SHISAL2B: variants seen among roughly 807,000 people sequenced by gnomAD.
The protein encoded by SHISAL2B is protein shisa-like-2B.
A neutral mutation model predicts 16.5 loss-of-function variants in SHISAL2B; 12 were observed. The observed-to-expected ratio is 0.73, with a 90% CI of 0.47 to 1.18. The LOEUF is 1.18. Ranked by LOEUF, SHISAL2B falls within the 50% of genes most tolerant of loss-of-function variation. The pLI is 0.00. For missense variants in SHISAL2B, 183 were observed against 193.6 expected (o/e 0.95, Z 0.33); for synonymous variants, 72 against 75.0 (o/e 0.96, Z 0.21).
chr5:64,708,238 G>C (rs978268054), intron 2 of SHISAL2B, among the ~76,000 whole-genome samples: 5 of 152,112 alleles, frequency 3.3e-5, no homozygotes, highest in Admixed American at 1.3e-4. Flanking sequence ...CTTCCTGTAT[G>C]ATTTCTATAC....
intron 2 of SHISAL2B, among the ~76,000 whole-genome samples, chr5:64,705,432 G>A (rs185431901): frequency 6.6e-6 from 1 of 152,090 alleles, no homozygotes; most frequent in Non-Finnish European, 1.5e-5. Flanking sequence ...ATGAATTTAA[G>A]TATGTAAAAA....
chr5:64,696,481 C>G (rs1332834495), intron 2 of SHISAL2B, among the ~76,000 whole-genome samples: 1 of 152,132 alleles, frequency 6.6e-6, no homozygotes, highest in Admixed American at 6.5e-5. Flanking sequence ...TTTCTTCTTG[C>G]AGAGAGCCTA....
chr5:64,703,397 G>T (rs1296124336), intron 2 of SHISAL2B, among the ~76,000 whole-genome samples: 1 of 152,142 alleles, frequency 6.6e-6, no homozygotes, highest in Non-Finnish European at 1.5e-5. Context: ...AATGAGCCTA[G>T]AATTTTATAC....
intron 1 of SHISAL2B, among the ~76,000 whole-genome samples, chr5:64,693,150 GGC>G (rs1182631072): frequency 2.0e-5 from 3 of 152,056 alleles, no homozygotes; most frequent in Admixed American, 6.5e-5. Context: ...TGGGACTACA[GGC>G]GCCTGCCACC....
chr5:64,691,673 T>C (rs961467331), intron 1 of SHISAL2B: 1 of 152,222 alleles, frequency 6.6e-6, no homozygotes, highest in Non-Finnish European at 1.5e-5. Context: ...CAACTAGTAT[T>C]GATGTAGACA....
intron 1 of SHISAL2B, 102 bp from the exon 2 acceptor site, chr5:64,695,405 A>T (rs1741718674): frequency 1.3e-6 from 1 of 752,592 alleles, no homozygotes; most frequent in East Asian, 3.0e-5. Flanking sequence ...TTTGGTTATG[A>T]ATAACTGAAA....
At chr5:64,691,676 T>A (rs1453978110) in intron 1 of SHISAL2B, 1 of 152,194 alleles carries the variant, frequency 6.6e-6, no homozygotes, top group Non-Finnish European at 1.5e-5. Context: ...CTAGTATTGA[T>A]GTAGACATTT....
At chr5:64,712,881 C>A (rs1241633562) in intron 2 of SHISAL2B, among the ~76,000 whole-genome samples, 1 of 149,080 alleles carries the variant, frequency 6.7e-6, no homozygotes, top group East Asian at 2.0e-4. Context: ...TTTTTGTTTT[C>A]CATTTGCTTG....
At chr5:64,693,982 G>A in intron 1 of SHISAL2B, 1 of 414,266 alleles carries the variant, frequency 2.4e-6, no homozygotes, top group Admixed American at 2.8e-5. Context: ...AGGACAAGTG[G>A]AGTGAGCTTA....
intron 2 of SHISAL2B, among the ~76,000 whole-genome samples, chr5:64,703,105 A>G (rs1054379486): frequency 6.6e-6 from 1 of 152,230 alleles, no homozygotes; most frequent in African/African-American, 2.4e-5. Context: ...ACTCTGTCCA[A>G]TCTTAAAAAG....
In SHISAL2B at chr5:64,711,719, T is replaced by G. The variant is rs1245990832; in HGVS notation, c.350-6170T>G. On this transcript the variant is annotated intron_variant, in intron 2 of 2. Coordinates refer to ENST00000389074, the MANE Select transcript of SHISAL2B (RefSeq NM_001164442.2). ...TGATTATTGCCACAATTTCAGCTCC[T>G]GTTATTGGTCTATTCAGAGATTCAA... Among the ~76,000 whole-genome samples the G allele has an allele frequency of 3.4e-3, 67 of 19,502 alleles. 1 individual carries two copies. Among genetic ancestry groups the G allele is most frequent in the Middle Eastern group, 0.015 (2 of 134 alleles). 12.8% of individuals were successfully genotyped at this position (19,502 alleles called of 152,430 possible). A position where few individuals can be genotyped will look rare whatever the true frequency, so the allele number is the denominator to read the frequency against.
chr5:64,691,476 G>C (rs1235107476), intron 1 of SHISAL2B: 1 of 150,636 alleles, frequency 6.6e-6, no homozygotes, highest in Non-Finnish European at 1.5e-5. Flanking sequence ...ACCCTGGAGA[G>C]AATTGAAGCG....
At chr5:64,708,849 A>T (rs555808033) in intron 2 of SHISAL2B, among the ~76,000 whole-genome samples, 110 of 152,294 alleles carry the variant, frequency 7.2e-4, no homozygotes, top group African/African-American at 2.5e-3. Context: ...CAAGTAGAAT[A>T]TTAAGTAACT....
At position 64,703,446 on chromosome 5, in the gene SHISAL2B, T is replaced by C. The variant is rs184038418; in HGVS notation, c.349+7782T>C. Among the ~76,000 whole-genome samples the C allele has an allele frequency of 2.3e-3, 355 of 152,318 alleles. 1 individual carries two copies. The highest frequency in any genetic ancestry group is 7.5e-3 in the African/African-American group (310 of 41,568). ...CCTACAATGTAGAAAATCAAATTGC[T>C]CAATAGAGCTACTGCTACATTTATT... On this transcript the variant is annotated intron_variant, in intron 2 of 2. Transcript: ENST00000389074.
intron 1 of SHISAL2B, chr5:64,691,223 CCT>C (rs1447765635): frequency 5.5e-6 from 1 of 181,372 alleles, no homozygotes; most frequent in African/African-American, 2.3e-5. Context: ...GGTTTAAAAT[CCT>C]CTTTTTGGTT....
intron 1 of SHISAL2B, among the ~76,000 whole-genome samples, chr5:64,692,410 A>G (rs968026927): frequency 6.6e-6 from 1 of 152,248 alleles, no homozygotes; most frequent in African/African-American, 2.4e-5. Context: ...TGGACAGTGC[A>G]GCTCCATTCC....
Position 64,712,661 on chromosome 5 carries a change from T to C in SHISAL2B, c.350-5228T>C, listed in dbSNP as rs887441974. On this transcript the variant is annotated intron_variant, in intron 2 of 2. Transcript: ENST00000389074. ...GGGTGTTAAAGTCTCCCATTATTAATGTGTGGGAGTCTAAATCTCTTTGTA... is the reference window on the plus strand; with the variant it reads ...GGGTGTTAAAGTCTCCCATTATTAACGTGTGGGAGTCTAAATCTCTTTGTA... Among the ~76,000 whole-genome samples the C allele has an allele frequency of 2.3e-3, 348 of 152,072 alleles. 2 individuals are homozygous for C. Among genetic ancestry groups the C allele is most frequent in the African/African-American group, 8.1e-3 (334 of 41,464 alleles).
chr5:64,693,475 A>G (rs1741684103), intron 1 of SHISAL2B, among the ~76,000 whole-genome samples: 1 of 152,190 alleles, frequency 6.6e-6, no homozygotes, highest in South Asian at 2.1e-4. Context: ...CACACTATGT[A>G]TGTGGAAGTT....
Position 64,704,765 on chromosome 5 carries a change from T to TAA in SHISAL2B, c.349+9110_349+9111dup, listed in dbSNP as rs375806506. Among the ~76,000 whole-genome samples the TAA allele has an allele frequency of 2.4e-3, 357 of 149,506 alleles. 1 individual carries two copies. Among genetic ancestry groups the TAA allele is most frequent in the African/African-American group, 7.6e-3 (312 of 40,926 alleles). On this transcript the variant is annotated intron_variant, in intron 2 of 2. Transcript: ENST00000389074. ...GGTTAAGAAACTAGTTTCTATTTAT[T>TAA]AAAAAAAAAACAGAAAAGCTGAGGT...
Sources: gnomAD v4.1 joint callset for allele counts (sites outside exome capture counted in the v4.1 genomes callset) on GRCh38, gnomAD v4.1.1 for gene constraint, MANE v1.5 for transcripts, NCBI Gene and HGNC (gene_info 2026-07-23, HGNC 2026-07-21) for gene names.